The following CD99L2 variants were observed in gnomAD, a reference collection of about 807,000 sequenced individuals.
CD99L2 encodes the protein CD99 molecule like 2.
A neutral mutation model predicts 27.3 loss-of-function variants in CD99L2; 24 were observed. That is an observed-to-expected ratio of 0.88 (90% CI 0.64 to 1.24). The LOEUF is 1.24. Ranked by LOEUF, CD99L2 falls within the 50% of genes most tolerant of loss-of-function variation. The pLI is 0.00. For missense variants in CD99L2, 255 were observed against 221.6 expected (o/e 1.15, Z -0.96); for synonymous variants, 97 against 87.9 (o/e 1.10, Z -0.58).
At chrX:150,808,448 A>G (rs1168044450) in intron 4 of CD99L2, among the ~76,000 whole-genome samples, 18 of 112,334 alleles carry the variant, frequency 1.6e-4, no homozygotes, top group Non-Finnish European at 1.9e-4. Flanking sequence ...GAGTCATCAG[A>G]TTCTTCACCA....
intron 7 of CD99L2, among the ~76,000 whole-genome samples, chrX:150,783,514 T>C (rs2045548486): frequency 8.9e-6 from 1 of 111,786 alleles, no homozygotes; most frequent in African/African-American, 3.3e-5. Flanking sequence ...CCTGTATGTC[T>C]TTAGAAGGAG....
chrX:150,803,481 G>T lies in CD99L2; in HGVS notation c.278-7995C>A, dbSNP rs141770685. Among the ~76,000 whole-genome samples the T allele has an allele frequency of 4.1e-3, 458 of 111,596 alleles. 8 individuals are homozygous for T. The East Asian group carries it at 0.051, about 12-fold the overall frequency. ...CACAGGCCCTAGAAGAACCTTAAAA[G>T]AACTTGACAAAGCAGAATAAAGTGG... is the stretch of plus-strand genomic sequence containing the variant. On this transcript the variant is annotated intron_variant, in intron 4 of 10. Coordinates refer to ENST00000370377, the MANE Select transcript of CD99L2 (RefSeq NM_031462.4).
chrX:150,847,449 G>A (rs1360129704), intron 1 of CD99L2, among the ~76,000 whole-genome samples: 2 of 111,432 alleles, frequency 1.8e-5, no homozygotes, highest in Non-Finnish European at 3.8e-5. Flanking sequence ...GTTCAATTTG[G>A]GAAGTATCAT....
At chrX:150,794,520 G>A (rs1215295241) in intron 6 of CD99L2, among the ~76,000 whole-genome samples, 1 of 112,322 alleles carries the variant, frequency 8.9e-6, no homozygotes, top group Non-Finnish European at 1.9e-5. Context: ...TTATGAACGG[G>A]TAAAAGGTCC....
chrX:150,858,814 A>C (rs2046931199), intron 1 of CD99L2, among the ~76,000 whole-genome samples: 1 of 111,949 alleles, frequency 8.9e-6, no homozygotes, highest in Admixed American at 9.5e-5. Flanking sequence ...ATCCAAACCC[A>C]AAATTAGTAG....
intron 1 of CD99L2, among the ~76,000 whole-genome samples, chrX:150,843,111 G>C (rs782283959): frequency 7.1e-4 from 80 of 112,472 alleles, no homozygotes; most frequent in African/African-American, 2.3e-3. Context: ...AATAACTGCA[G>C]AGGCAGCTGG....
rs1183132343 is a variant in CD99L2, at chrX:150,768,419, T to G, written c.*615A>C. ...ACTTAAATCACTGAAAGCCTCCGCT[T>G]GGACCGGCTCTCCGGAAGCCCAGCA... On this transcript the variant is annotated 3_prime_UTR_variant, in exon 11 of 11. Transcript: ENST00000370377. The G allele has an allele frequency of 8.9e-6, 1 of 112,946 alleles. No homozygotes were observed. The highest frequency in any genetic ancestry group is 1.9e-5 in the Non-Finnish European group (1 of 53,447). The allele number at this position is 112,946 out of a possible 1,213,427, so 9.3% of individuals were successfully genotyped here.
intron 1 of CD99L2, among the ~76,000 whole-genome samples, chrX:150,873,537 T>C (rs1254120469): frequency 1.8e-5 from 2 of 112,178 alleles, no homozygotes; most frequent in Non-Finnish European, 3.8e-5. Context: ...TTGCACACTT[T>C]AAAATGGTCA....
intron 1 of CD99L2, among the ~76,000 whole-genome samples, chrX:150,836,510 A>G (rs1557421204): frequency 9.0e-6 from 1 of 110,633 alleles, no homozygotes; most frequent in Non-Finnish European, 1.9e-5. Flanking sequence ...TATTTTTGGT[A>G]GAGATGGGGT....
intron 2 of CD99L2, among the ~76,000 whole-genome samples, chrX:150,824,336 A>AG (rs1557420798): frequency 2.3e-4 from 23 of 98,291 alleles, no homozygotes; most frequent in African/African-American, 8.4e-4. Flanking sequence ...GAGAAGAAGA[A>AG]GAAGAAAGAA....
At chrX:150,820,036 G>A (rs782799262) in intron 2 of CD99L2, among the ~76,000 whole-genome samples, 1 of 111,402 alleles carries the variant, frequency 9.0e-6, no homozygotes, top group Non-Finnish European at 1.9e-5. Flanking sequence ...TGTTAATACC[G>A]AAGTCAGACA....
At chrX:150,782,536 C>T in intron 7 of CD99L2, among the ~76,000 whole-genome samples, 1 of 112,241 alleles carries the variant, frequency 8.9e-6, no homozygotes, top group Middle Eastern at 4.6e-3. Context: ...AGGTGGTCAT[C>T]TAGGACAAAA....
intron 1 of CD99L2, among the ~76,000 whole-genome samples, chrX:150,852,881 T>C (rs1170463378): frequency 1.8e-5 from 2 of 112,293 alleles, no homozygotes; most frequent in African/African-American, 3.2e-5. Flanking sequence ...GGGGTTTTCT[T>C]TCACTTTTTG....
At chrX:150,875,874 A>G (rs914643826) in intron 1 of CD99L2, among the ~76,000 whole-genome samples, 14 of 112,109 alleles carry the variant, frequency 1.2e-4, no homozygotes, top group African/African-American at 4.2e-4. Flanking sequence ...CCCTGATGTG[A>G]GGCCTCTCCA....
At chrX:150,838,024 T>TC (rs1437071715) in intron 1 of CD99L2, among the ~76,000 whole-genome samples, 1 of 112,299 alleles carries the variant, frequency 8.9e-6, no homozygotes, top group Non-Finnish European at 1.9e-5. Context: ...CAATGATGAG[T>TC]CCTGTTGACA....
At chrX:150,862,823 G>C (rs782096002) in intron 1 of CD99L2, among the ~76,000 whole-genome samples, 1 of 97,425 alleles carries the variant, frequency 1.0e-5, no homozygotes, top group East Asian at 3.2e-4. Flanking sequence ...AAAGAAAGAA[G>C]GAAAGAAAGA....
intron 4 of CD99L2, among the ~76,000 whole-genome samples, chrX:150,812,364 A>C (rs2046085061): frequency 2.7e-5 from 3 of 112,268 alleles, no homozygotes; most frequent in Non-Finnish European, 3.8e-5. Context: ...ATAGTAAGAA[A>C]AACAAAAAAT....
Position 150,853,750 on chromosome X carries a change from C to T in CD99L2, c.68-22457G>A, listed in dbSNP as rs782721331. ...CAGAAGTGATAAGCCTTTTCTACAG[C>T]ACAAGCAGCAATGCAAGCCCCATTT... On this transcript the variant is annotated intron_variant, in intron 1 of 10. Transcript: ENST00000370377. 3.8e-4 allele frequency among the ~76,000 whole-genome samples: 42 copies of T among 111,963 alleles called. 1 individual carries two copies. Among genetic ancestry groups the T allele is most frequent in the Non-Finnish European group, 6.4e-4 (34 of 53,207 alleles).
chrX:150,820,405 ACT>A (rs2046228308), intron 2 of CD99L2, among the ~76,000 whole-genome samples: 1 of 111,700 alleles, frequency 9.0e-6, no homozygotes, highest in South Asian at 3.7e-4. Flanking sequence ...ATCAGAGTCT[ACT>A]CTCTATGTGC....
Sources: gnomAD v4.1 joint callset for allele counts (sites outside exome capture counted in the v4.1 genomes callset) on GRCh38, gnomAD v4.1.1 for gene constraint, MANE v1.5 for transcripts, NCBI Gene and HGNC (gene_info 2026-07-23, HGNC 2026-07-21) for gene names.